Variants in PES1 observed in about 807,000 individuals in gnomAD.
The protein encoded by PES1 is pescadillo homolog.
PES1 carries 31 observed loss-of-function variants against 77.1 expected under a neutral mutation model. The ratio of observed to expected loss-of-function variants is 0.40; its 90% CI spans 0.30 to 0.54. The LOEUF (loss-of-function observed/expected upper bound fraction) is 0.54. Among genes scored for constraint, PES1 ranks in the 20% least tolerant of loss-of-function variants. The pLI is 0.45. For missense variants in PES1, 658 were observed against 771.7 expected (o/e 0.85, Z 1.75); for synonymous variants, 282 against 303.0 (o/e 0.93, Z 0.72).
At chr22:30,581,997 T>G (rs951338897) in intron 6 of PES1, among the ~76,000 whole-genome samples, 3 of 152,204 alleles carry the variant, frequency 2.0e-5, no homozygotes, top group Non-Finnish European at 4.4e-5. Flanking sequence ...GCTCTCCCAC[T>G]TCCTTCAGGT....
intron 2 of PES1, among the ~76,000 whole-genome samples, chr22:30,599,321 C>G (rs890789570): frequency 6.6e-6 from 1 of 152,000 alleles, no homozygotes; most frequent in Non-Finnish European, 1.5e-5. Context: ...TTACATGTGT[C>G]TCTGCTAGAT....
chr22:30,595,119 C>T (rs906588982), upstream of PES1, among the ~76,000 whole-genome samples: 3 of 152,172 alleles, frequency 2.0e-5, no homozygotes, highest in Non-Finnish European at 4.4e-5. Flanking sequence ...TTGTTTCCTC[C>T]TGTTGCCCTG....
chr22:30,600,755 CA>C, intron 2 of PES1, among the ~76,000 whole-genome samples: 1 of 152,278 alleles, frequency 6.6e-6, no homozygotes, highest in Admixed American at 6.5e-5. Context: ...GCAGAGCTTG[CA>C]GTGAGCCGAG....
chr22:30,595,308 G>A (rs1260870481), upstream of PES1, among the ~76,000 whole-genome samples: 1 of 152,084 alleles, frequency 6.6e-6, no homozygotes, highest in Non-Finnish European at 1.5e-5. Context: ...GGGAGGCCAA[G>A]GCGGGTGGAT....
At position 30,591,819 on chromosome 22, in the gene PES1, C is replaced by T; in HGVS notation, c.15G>A (p.Glu5=). Residue 5 remains glutamate, a synonymous_variant, in exon 1 of 15, where the codon GAG becomes GAA. Coordinates refer to ENST00000354694, the MANE Select transcript of PES1 (RefSeq NM_014303.4). ...CGTCTTTCCCAATCACCTTCTTCTT[C>T]TCAAGGCCTCCCATCGCTCCACGTT... MGGL[E]KKKYERGSAT... 4 of 1,564,602 alleles carry T rather than the reference C, an allele frequency of 2.6e-6. No individual in the cohort carries two copies. Among genetic ancestry groups the T allele is most frequent in the Non-Finnish European group, 3.5e-6 (4 of 1,155,352 alleles).
At chr22:30,596,719 C>T (rs1321858374), upstream of PES1, among the ~76,000 whole-genome samples, 4 of 152,242 alleles carry the variant, frequency 2.6e-5, no homozygotes, top group South Asian at 2.1e-4. Context: ...AGCCCTCGCT[C>T]GCTCTCAGTG....
At chr22:30,599,074 T>C (rs2087314130) in intron 2 of PES1, among the ~76,000 whole-genome samples, 2 of 151,450 alleles carry the variant, frequency 1.3e-5, no homozygotes, top group African/African-American at 4.9e-5. Context: ...CTTTTTGTAT[T>C]TTTAGTTAGA....
At chr22:30,579,412 G>A in intron 12 of PES1, 109 bp from the exon 13 acceptor site, 1 of 1,544,552 alleles carries the variant, frequency 6.5e-7, no homozygotes, top group Non-Finnish European at 8.7e-7. Context: ...TTTAGCCATG[G>A]GCAGTTCAGG....
upstream of PES1, among the ~76,000 whole-genome samples, chr22:30,593,473 G>A (rs1319309842): frequency 6.6e-6 from 1 of 151,702 alleles, no homozygotes; most frequent in African/African-American, 2.4e-5. Context: ...AAGCCTAGAC[G>A]ACAGAGCGAG....
intron 2 of PES1, among the ~76,000 whole-genome samples, chr22:30,602,072 CTTCTT>C (rs886233173): frequency 4.4e-4 from 67 of 151,964 alleles, no homozygotes; most frequent in African/African-American, 1.4e-3. Context: ...CACCTGGCCC[CTTCTT>C]TTCTTTTCTT....
intron 1 of PES1, among the ~76,000 whole-genome samples, chr22:30,590,466 T>C (rs1379677757): frequency 1.3e-5 from 2 of 152,360 alleles, no homozygotes; most frequent in East Asian, 1.9e-4. Flanking sequence ...CATTCTTTCC[T>C]TTAGACATTA....
At chr22:30,598,244 G>A (rs1208991921) in intron 2 of PES1, 2 of 151,988 alleles carry the variant, frequency 1.3e-5, no homozygotes, top group African/African-American at 4.8e-5. Flanking sequence ...GCGAGACCAC[G>A]AACCCACCAA....
chr22:30,581,736 TA>T, intron 6 of PES1, 92 bp from the exon 7 acceptor site: 2 of 870,720 alleles, frequency 2.3e-6, no homozygotes, highest in South Asian at 2.8e-5. Flanking sequence ...GTGTCTGACC[TA>T]CCCAAAGACC....
intron 6 of PES1, among the ~76,000 whole-genome samples, chr22:30,582,495 G>C (rs2087002576): frequency 6.6e-6 from 1 of 152,144 alleles, no homozygotes; most frequent in Non-Finnish European, 1.5e-5. Flanking sequence ...CAGTTAATAG[G>C]GCAAAACAGG....
chr22:30,606,873 G>A (rs2087457841), exon 1 of PES1: 1 of 1,034,486 alleles, frequency 9.7e-7, no homozygotes, highest in South Asian at 3.5e-5. Flanking sequence ...ACTACCAGGG[G>A]CTCCTTTGGT....
In PES1 at chr22:30,577,095, T is replaced by C. The variant is rs2086911519; in HGVS notation, c.1718A>G (p.Asp573Gly). ...CTTCTTCTCAGACCTCACCGCCTCA[T>C]CGTGGGCTTTCCGCTTCTCCGCCAG... ...NKLAEKRKAH[D>G]EAVRSEKKAK... Residue 573 changes from aspartate to glycine, a missense_variant, in exon 15 of 15, where the codon GAT (aspartate) becomes GGT (glycine). By Grantham distance (94) the Asp-to-Gly change is moderately conservative. Coordinates refer to ENST00000354694, the MANE Select transcript of PES1 (RefSeq NM_014303.4). 6.8e-6 allele frequency: 11 copies of C among 1,614,074 alleles called. No individual in the cohort carries two copies. In the East Asian group the frequency reaches 2.2e-4, roughly 33 times the overall value.
chr22:30,599,766 G>T (rs1026444108), intron 2 of PES1, among the ~76,000 whole-genome samples: 1 of 152,242 alleles, frequency 6.6e-6, no homozygotes. Flanking sequence ...CAGGCATGGT[G>T]GTACATGCCT....
rs373720254 is a variant in PES1 at position 30,580,194 on chromosome 22, G to A, written c.1044-16C>T. 2.5e-6 allele frequency: 4 copies of A among 1,603,798 alleles called. No homozygotes were observed. Among genetic ancestry groups the A allele is most frequent in the Non-Finnish European group, 3.4e-6 (4 of 1,175,168 alleles). On this transcript the variant is annotated splice_polypyrimidine_tract_variant and intron_variant, in intron 10 of 14. Coordinates refer to ENST00000354694, the MANE Select transcript of PES1 (RefSeq NM_014303.4). ...ACCAAAACTCCTACAGGGACAGGGA[G>A]AGCCCACACGGGTACACAGACATGA...
chr22:30,606,457 C>T (rs1428229488), intron 1 of PES1: 2 of 152,158 alleles, frequency 1.3e-5, no homozygotes, highest in African/African-American at 4.8e-5. Context: ...CCCCATGTTG[C>T]CCAGGCTGGT....
Sources: gnomAD v4.1 joint callset for allele counts (sites outside exome capture counted in the v4.1 genomes callset) on GRCh38, gnomAD v4.1.1 for gene constraint, MANE v1.5 for transcripts, NCBI Gene and HGNC (gene_info 2026-07-23, HGNC 2026-07-21) for gene names.